SNX20: variants seen among roughly 807,000 people sequenced by gnomAD.
SNX20 encodes the protein sorting nexin 20, also known as sorting nexin-20.
A neutral mutation model predicts 24.5 loss-of-function variants in SNX20; 21 were observed. The observed-to-expected ratio is 0.86, with a 90% CI of 0.61 to 1.23. SNX20 has a LOEUF of 1.23. Among genes scored for constraint, SNX20 ranks in the 50% most tolerant of loss-of-function variants. SNX20 has a pLI of 0.00. For missense variants in SNX20, 433 were observed against 430.8 expected (o/e 1.00, Z -0.04); for synonymous variants, 206 against 192.8 (o/e 1.07, Z -0.57).
Position 50,673,720 on chromosome 16 carries a change from G to A in SNX20, c.637C>T (p.Pro213Ser), listed in dbSNP as rs1454723389. 1 of 1,497,416 alleles carries A rather than the reference G, an allele frequency of 6.7e-7. No homozygotes were observed. The highest frequency in any genetic ancestry group is 2.6e-5 in the East Asian group (1 of 38,252). 92.8% of individuals were successfully genotyped at this position (1,497,416 alleles called of 1,614,324 possible). The change falls in exon 4 of 4, where the codon CCG becomes TCG. Residue 213 changes from proline (P) to serine (S), a missense_variant. Coordinates refer to ENST00000330943, the MANE Select transcript of SNX20 (RefSeq NM_182854.4). The surrounding 1 kb of genome is among the most constrained non-coding windows in gnomAD (Gnocchi z 4.1). ...TGGGCGGTGAGCTTCTCCTGCAGCG[G>A]CAGCACGCGCAGCAGCAGCTCCAGG... is the stretch of plus-strand genomic sequence containing the variant. ...RALELLLRVL[P>S]LQEKLTAHCP...
intron 2 of SNX20, among the ~76,000 whole-genome samples, chr16:50,676,869 G>T (rs530606622): frequency 1.4e-4 from 22 of 152,376 alleles, no homozygotes; most frequent in African/African-American, 4.8e-4. Flanking sequence ...TGTAAGAAAA[G>T]ATCTGTTCCA....
At chr16:50,674,851 T>C (rs968340433) in intron 3 of SNX20, among the ~76,000 whole-genome samples, 1 of 152,214 alleles carries the variant, frequency 6.6e-6, no homozygotes, top group Admixed American at 6.5e-5. Flanking sequence ...AGAATCCTGA[T>C]TACGGGCAAT....
Position 50,674,081 on chromosome 16 carries a change from C to G in SNX20, c.283-7G>C. The G allele has an allele frequency of 6.3e-7, 1 of 1,585,164 alleles. No homozygotes were observed. The highest frequency in any genetic ancestry group is 8.6e-7 in the Non-Finnish European group (1 of 1,164,306). On this transcript the variant is annotated splice_region_variant and splice_polypyrimidine_tract_variant and intron_variant, in intron 3 of 3. Coordinates refer to ENST00000330943, the MANE Select transcript of SNX20 (RefSeq NM_182854.4). ...TGACGATGATTTGGTACACCTAGGG[C>G]GCAACCAGAGAGAGCTGTGGCCACC...
chr16:50,680,826 A>G (rs1963281530), intron 1 of SNX20, among the ~76,000 whole-genome samples: 1 of 152,178 alleles, frequency 6.6e-6, no homozygotes, highest in Non-Finnish European at 1.5e-5. Context: ...CCTGGCTGCT[A>G]ACATAGGAAG....
At chr16:50,678,261 G>C (rs373709841) in intron 1 of SNX20, among the ~76,000 whole-genome samples, 1 of 152,162 alleles carries the variant, frequency 6.6e-6, no homozygotes, top group South Asian at 2.1e-4. Context: ...ATCTTCTATC[G>C]ATCAATCAAT....
intron 3 of SNX20, 110 bp downstream of exon 3, chr16:50,675,660 G>A (rs972810285): frequency 8.8e-6 from 12 of 1,356,396 alleles, no homozygotes; most frequent in Non-Finnish European, 1.1e-5. Context: ...CTGTGAGTTA[G>A]TGTGTTGACC....
At position 50,681,198 on chromosome 16, in the gene SNX20, T is replaced by G. The variant is rs1963288194; in HGVS notation, c.-18A>C. The G allele has an allele frequency of 6.6e-6, 1 of 152,502 alleles. No homozygotes were observed. The highest frequency in any genetic ancestry group is 2.1e-4 in the South Asian group (1 of 4,834). The allele number at this position is 152,502 out of a possible 1,614,324, so 9.4% of individuals were successfully genotyped here. A position where few individuals can be genotyped will look rare whatever the true frequency, so the allele number is the denominator to read the frequency against. On this transcript the variant is annotated 5_prime_UTR_variant, in exon 1 of 4. Coordinates refer to ENST00000330943, the MANE Select transcript of SNX20 (RefSeq NM_182854.4). ...TGGGATCAAATACTGACCTCCAGTCTCCAGGGCTGTGTGTGTCCAGGGGTC... is the reference window on the plus strand; with the variant it reads ...TGGGATCAAATACTGACCTCCAGTCGCCAGGGCTGTGTGTGTCCAGGGGTC...
intron 1 of SNX20, among the ~76,000 whole-genome samples, chr16:50,678,066 A>G (rs1963224342): frequency 3.3e-5 from 5 of 152,004 alleles, no homozygotes; most frequent in Admixed American, 2.0e-4. Context: ...AAAATTATCC[A>G]GGATGCACGC....
At chr16:50,675,713 A>G (rs952352403) in intron 3 of SNX20, 57 bp downstream of exon 3, 1 of 1,598,398 alleles carries the variant, frequency 6.3e-7, no homozygotes. Flanking sequence ...AGACTTATTC[A>G]GGGCCAGGAA....
intron 1 of SNX20, among the ~76,000 whole-genome samples, chr16:50,679,311 T>C (rs1207983643): frequency 6.6e-6 from 1 of 152,136 alleles, no homozygotes; most frequent in Non-Finnish European, 1.5e-5. Context: ...CCAGCGCCTG[T>C]CCCTTGCTCC....
chr16:50,666,970 C>A (rs1596785400), downstream of SNX20: 1 of 152,262 alleles, frequency 6.6e-6, no homozygotes, highest in Non-Finnish European at 1.5e-5. Flanking sequence ...TATGAGGTGA[C>A]AAGTGTGGGT....
chr16:50,676,393 C>T (rs565531530), intron 2 of SNX20, among the ~76,000 whole-genome samples: 4 of 152,248 alleles, frequency 2.6e-5, no homozygotes, highest in Admixed American at 6.5e-5. Context: ...GCTGGCCCTT[C>T]CTAACCTTCT....
Position 50,672,028 on chromosome 16 carries a change from G to A in SNX20, c.*1378C>T, listed in dbSNP as rs1160261853. 1 of 152,240 alleles carries A rather than the reference G, an allele frequency of 6.6e-6. No individual in the cohort carries two copies. The highest frequency in any genetic ancestry group is 2.4e-5 in the African/African-American group (1 of 41,458). The allele number at this position is 152,240 out of a possible 1,614,324, so 9.4% of individuals were successfully genotyped here. ...CAGTTTAGGTCTTCAGGGGCTTCCA[G>A]CCTCCAACACACATTGGGCCAAAAC... On this transcript the variant is annotated 3_prime_UTR_variant, in exon 4 of 4. Coordinates refer to ENST00000330943, the MANE Select transcript of SNX20 (RefSeq NM_182854.4).
downstream of SNX20, chr16:50,669,264 C>T (rs1034213564): frequency 6.1e-6 from 4 of 653,082 alleles, no homozygotes; most frequent in African/African-American, 3.6e-5. Flanking sequence ...ATTTGGCTCA[C>T]AGTTGTGCAG....
chr16:50,668,592 C>T (rs1962969057), downstream of SNX20: 4 of 1,015,150 alleles, frequency 3.9e-6, no homozygotes, highest in Non-Finnish European at 3.5e-6. Flanking sequence ...ATTGATAGAA[C>T]AGGCTGTGGC....
rs6596 is a variant in SNX20, at chr16:50,675,812, G to A, written c.240C>T (p.Ile80=). 0.14 allele frequency: 231,855 copies of A among 1,613,286 alleles called. 19,752 individuals carry two copies. Among genetic ancestry groups the A allele is most frequent in the Non-Finnish European group, 0.17 (204,342 of 1,179,626 alleles). Residue 80 remains isoleucine, a synonymous_variant, in exon 3 of 4, where the codon ATC becomes ATT. Transcript: ENST00000330943. ...TTCTCTCCTCGATGCGAGCTGAAGC[G>A]ATCTCAAAGAGCAGTTTGACGTGCT... ...RWKHVKLLFE[I]ASARIEERKV... is the part of the protein sequence containing the mutation.
downstream of SNX20, chr16:50,669,301 T>A (rs1485625335): frequency 3.4e-6 from 2 of 588,208 alleles, no homozygotes; most frequent in African/African-American, 3.7e-5. Context: ...GCACCAGCAT[T>A]GCTTCTTGTG....
Position 50,673,390 on chromosome 16 carries a change from G to A in SNX20, c.*16C>T, listed in dbSNP as rs746979209. ...GACCCCAAATCTCCAGCGTCCCTGCGGGGTCCCAGGCCGGCTCAGTGCAGG... is the reference window on the plus strand; with the variant it reads ...GACCCCAAATCTCCAGCGTCCCTGCAGGGTCCCAGGCCGGCTCAGTGCAGG... On this transcript the variant is annotated 3_prime_UTR_variant, in exon 4 of 4. Transcript: ENST00000330943. This position sits in a 1 kb window ranked among gnomAD's most constrained non-coding sequence, Gnocchi z 4.1. The A allele has an allele frequency of 2.4e-5, 35 of 1,470,364 alleles. No homozygotes were observed. The highest frequency in any genetic ancestry group is 2.2e-4 in the Admixed American group (9 of 40,808). The allele number at this position is 1,470,364 out of a possible 1,614,324, so 91.1% of individuals were successfully genotyped here.
exon 4 of SNX20, chr16:50,666,568 G>C (rs1596784966): frequency 6.6e-6 from 1 of 152,166 alleles, no homozygotes; most frequent in Admixed American, 6.5e-5. Context: ...TAATGTGGAA[G>C]AATATTGTAT....
Sources: gnomAD v4.1 joint callset for allele counts (sites outside exome capture counted in the v4.1 genomes callset) on GRCh38, gnomAD v4.1.1 for gene constraint, Gnocchi (gnomAD v3.1) non-coding constraint, MANE v1.5 for transcripts, NCBI Gene and HGNC (gene_info 2026-07-23, HGNC 2026-07-21) for gene names.